Variants in THAP9 observed in about 807,000 individuals in gnomAD.
The protein encoded by THAP9 is DNA transposase THAP9.
In THAP9, 20 loss-of-function variants were observed where a neutral mutation model predicts 35.7. That is an observed-to-expected ratio of 0.56 (90% CI 0.39 to 0.81). The LOEUF is 0.81. Among genes scored for constraint, THAP9 ranks in the 40% least tolerant of loss-of-function variants. The pLI, the probability that THAP9 is intolerant of heterozygous loss-of-function variation, is 0.00. For synonymous variants in THAP9, 335 were observed against 373.7 expected, an observed-to-expected ratio of 0.90 and a Z score of 1.19; for missense variants, 870 against 1,047.4, an observed-to-expected ratio of 0.83 and a Z score of 2.34.
chr4:82,919,444 CTTGTCCCAGGA>C lies in THAP9; in HGVS notation c.*522_*532del, dbSNP rs1721163341. ...AAATATCAAATACTGCAAAAATCCC[CTTGTCCCAGGA>C]TACCCTAAAATAGAAGTGCTTAAAC... On this transcript the variant is annotated 3_prime_UTR_variant, in exon 5 of 5. Coordinates refer to ENST00000302236, the MANE Select transcript of THAP9 (RefSeq NM_024672.6). 1 of 152,446 alleles carries C rather than the reference CTTGTCCCAGGA, an allele frequency of 6.6e-6. No homozygotes were observed. The highest frequency in any genetic ancestry group is 2.4e-5 in the African/African-American group (1 of 41,426). 9.4% of individuals were successfully genotyped at this position (152,446 alleles called of 1,614,324 possible). A position where few individuals can be genotyped will look rare whatever the true frequency, so the allele number is the denominator to read the frequency against.
intron 2 of THAP9, among the ~76,000 whole-genome samples, chr4:82,905,615 C>T (rs561632649): frequency 6.6e-6 from 1 of 152,276 alleles, no homozygotes; most frequent in Admixed American, 6.5e-5. Flanking sequence ...AATTCAAACT[C>T]ACCAAGTCCC....
At position 82,918,958 on chromosome 4, in the gene THAP9, A is replaced by G; in HGVS notation, c.*34A>G. On this transcript the variant is annotated 3_prime_UTR_variant, in exon 5 of 5. Transcript: ENST00000302236. ...AAATATATTAACATTTTAATTAAGA[A>G]TACTTGATCAACATTTTTTGAAGTT... 2 of 1,450,886 alleles carry G rather than the reference A, an allele frequency of 1.4e-6. No homozygotes were observed. Among genetic ancestry groups the G allele is most frequent in the African/African-American group, 1.4e-5 (1 of 70,384 alleles). The allele number at this position is 1,450,886 out of a possible 1,614,324, so 89.9% of individuals were successfully genotyped here.
chr4:82,917,777 ATAG>A lies in THAP9; in HGVS notation c.1569_1571del (p.Ser523del). The A allele has an allele frequency of 6.2e-7, 1 of 1,614,014 alleles. No individual in the cohort carries two copies. Among genetic ancestry groups the A allele is most frequent in the Non-Finnish European group, 8.5e-7 (1 of 1,179,980 alleles). On this transcript the variant is annotated inframe_deletion, in exon 5 of 5. Transcript: ENST00000302236. The stretch of plus-strand genomic sequence containing the variant: ...ATTAACAATCTGTTTGACATCTTTA[ATAG>A]TAGGAACTGTTATGGAAAGGGACTT...
rs958272242 is a variant in THAP9 at position 82,916,998 on chromosome 4, T to G, written c.786T>G (p.Phe262Leu). Residue 262 changes from phenylalanine (F) to leucine (L), a missense_variant, in exon 5 of 5, where the codon TTT becomes TTG. Phe to Leu is a conservative substitution (Grantham distance 22, BLOSUM62 0). Around this residue, in one of 3 missense-constraint regions of THAP9, gnomAD observed 440 missense variants for 501.2 expected, o/e 0.88. Coordinates refer to ENST00000302236, the MANE Select transcript of THAP9 (RefSeq NM_024672.6). ...SPGFNSNIFS[F>L]LQRRVENGDQ... ...GTTTCAACAGCAACATTTTTTCTTT[T>G]CTTCAACGAAGAGTAGAGAATGGAG... The G allele has an allele frequency of 7.1e-6, 11 of 1,558,506 alleles. No homozygotes were observed. The highest frequency in any genetic ancestry group is 9.5e-6 in the Non-Finnish European group (11 of 1,155,328).
chr4:82,907,807 T>C lies in THAP9; in HGVS notation c.603T>C (p.Asn201=). 1.9e-6 allele frequency: 3 copies of C among 1,590,156 alleles called. No homozygotes were observed. Among genetic ancestry groups the C allele is most frequent in the Non-Finnish European group, 2.6e-6 (3 of 1,172,900 alleles). The part of the protein sequence containing the change: ...QFSDFKWELY[N]WRETDEYSAE... ...CAGATTTTAAGTGGGAGTTATATAATTGGAGAGAAACAGATGAGTACTCCG... is the reference window on the plus strand; with the variant it reads ...CAGATTTTAAGTGGGAGTTATATAACTGGAGAGAAACAGATGAGTACTCCG... The change falls in exon 4 of 5, where the codon AAT becomes AAC. Residue 201 remains asparagine (N), a synonymous_variant. Transcript: ENST00000302236.
At chr4:82,913,263 T>C (rs998008635) in intron 4 of THAP9, 1 of 152,208 alleles carries the variant, frequency 6.6e-6, no homozygotes. Context: ...ATTGTTCTAG[T>C]AGCTGTAGAT....
Position 82,906,510 on chromosome 4 carries a change from T to G in THAP9, c.463T>G (p.Ser155Ala). ...MLQVSKKRLI[S>A]VKNYRMIKKR... The stretch of plus-strand genomic sequence containing the variant: ...ACAAGTGTCCAAAAAAAGACTTATC[T>G]CCGTAAAGAACTACAGGATGATCAA... The change falls in exon 3 of 5, where the codon TCC becomes GCC. Residue 155 changes from serine to alanine, a missense_variant. By Grantham distance (99) the Ser-to-Ala change is moderately conservative. This residue lies in a region of THAP9 where 440 missense variants were observed against 501.2 expected (regional missense o/e 0.88). Coordinates refer to ENST00000302236, the MANE Select transcript of THAP9 (RefSeq NM_024672.6). The G allele has an allele frequency of 1.2e-6, 2 of 1,613,758 alleles. No individual in the cohort carries two copies. Among genetic ancestry groups the G allele is most frequent in the South Asian group, 2.2e-5 (2 of 91,066 alleles).
In THAP9 at chr4:82,919,009, G is replaced by T. The variant is rs144661800; in HGVS notation, c.*85G>T. On this transcript the variant is annotated 3_prime_UTR_variant, in exon 5 of 5. Coordinates refer to ENST00000302236, the MANE Select transcript of THAP9 (RefSeq NM_024672.6). ...CAATTTACCATATTTTATAAATTGC[G>T]CATTCTGCACAGTGGACAAGTTTGC... 3 of 1,172,228 alleles carry T rather than the reference G, an allele frequency of 2.6e-6. No individual in the cohort carries two copies. Among genetic ancestry groups the T allele is most frequent in the Admixed American group, 2.3e-5 (1 of 42,818 alleles). 72.6% of individuals were successfully genotyped at this position (1,172,228 alleles called of 1,614,324 possible).
Position 82,904,812 on chromosome 4 carries a change from T to C in THAP9, c.157T>C (p.Trp53Arg). 1 of 1,614,098 alleles carries C rather than the reference T, an allele frequency of 6.2e-7. No homozygotes were observed. Among genetic ancestry groups the C allele is most frequent in the Non-Finnish European group, 8.5e-7 (1 of 1,180,000 alleles). The change falls in exon 2 of 5, where the codon TGG becomes CGG. Residue 53 changes from tryptophan (W) to arginine (R), a missense_variant. Coordinates refer to ENST00000302236, the MANE Select transcript of THAP9 (RefSeq NM_024672.6). ...TGTGGACCCCAGAAGCAAAAAGATT[T>C]GGATTCCAGGACCAGGTGCTATACT... ...NRVDPRSKKI[W>R]IPGPGAILCS...
Position 82,904,752 on chromosome 4 carries a change from A to G in THAP9, c.97A>G (p.Ile33Val). Residue 33 changes from isoleucine to valine, a missense_variant, in exon 2 of 5, where the codon ATA becomes GTA. Physicochemically the swap from Ile to Val is conservative, Grantham distance 29. Transcript: ENST00000302236. The stretch of plus-strand genomic sequence containing the variant: ...TTGTCATAGATTTCCAACTGATACC[A>G]TACAGCGCTCAAAATGGATCAGGGC... The part of the protein sequence containing the change: ...LSFHQFPTDT[I>V]QRSKWIRAVN... 6.2e-7 allele frequency: 1 copy of G among 1,614,158 alleles called. No homozygotes were observed. Among genetic ancestry groups the G allele is most frequent in the Non-Finnish European group, 8.5e-7 (1 of 1,180,018 alleles).
intron 4 of THAP9, among the ~76,000 whole-genome samples, chr4:82,910,535 G>A (rs944677954): frequency 6.7e-6 from 1 of 150,178 alleles, no homozygotes; most frequent in South Asian, 2.1e-4. Context: ...TTATATTAAT[G>A]TAAGATTATA....
At chr4:82,907,574 T>C (rs1322717996) in intron 3 of THAP9, among the ~76,000 whole-genome samples, 1 of 152,196 alleles carries the variant, frequency 6.6e-6, no homozygotes, top group Non-Finnish European at 1.5e-5. Flanking sequence ...TTGAAAATTT[T>C]TTCTTCCCTC....
chr4:82,918,671 A>T lies in THAP9; in HGVS notation c.2459A>T (p.His820Leu). 6.2e-7 allele frequency: 1 copy of T among 1,614,068 alleles called. No homozygotes were observed. The highest frequency in any genetic ancestry group is 1.1e-5 in the South Asian group (1 of 91,084). The change falls in exon 5 of 5, where the codon CAT (histidine) becomes CTT (leucine). Residue 820 changes from histidine to leucine, a missense_variant. By Grantham distance (99) the His-to-Leu change is moderately conservative (BLOSUM62 -3). This residue lies in a region of THAP9 where 414 missense variants were observed against 500.8 expected (regional missense o/e 0.83). Transcript: ENST00000302236. Reference protein sequence around the residue: ...HINLFVDVNKHLFDGEVCAIN... With the variant: ...HINLFVDVNKLLFDGEVCAIN... ...AATCTTTTTGTAGATGTGAATAAGCATCTCTTTGATGGAGAAGTGTGTGCC... is the reference window on the plus strand; with the variant it reads ...AATCTTTTTGTAGATGTGAATAAGCTTCTCTTTGATGGAGAAGTGTGTGCC...
Position 82,918,336 on chromosome 4 carries a change from G to A in THAP9, c.2124G>A (p.Leu708=), listed in dbSNP as rs751606102. 1 of 1,614,198 alleles carries A rather than the reference G, an allele frequency of 6.2e-7. No homozygotes were observed. The highest frequency in any genetic ancestry group is 8.5e-7 in the Non-Finnish European group (1 of 1,180,016). ...CACTAAGTGAGGCATTACTAGACCT[G>A]TCAGATCATAGGCGAAATCTCATCT... ...HCSLSEALLD[L]SDHRRNLICY... The change falls in exon 5 of 5, where the codon CTG becomes CTA. Residue 708 remains leucine (L), a synonymous_variant. Transcript: ENST00000302236.
chr4:82,911,095 A>G (rs923665136), intron 4 of THAP9, among the ~76,000 whole-genome samples: 4 of 152,174 alleles, frequency 2.6e-5, no homozygotes, highest in African/African-American at 9.7e-5. Context: ...GTTTATGGCA[A>G]TGATCCAAGA....
intron 1 of THAP9, among the ~76,000 whole-genome samples, chr4:82,904,346 GC>G (rs1720556151): frequency 6.6e-6 from 1 of 152,212 alleles, no homozygotes; most frequent in African/African-American, 2.4e-5. Context: ...ACAGGCATGA[GC>G]CACTGCACCC....
intron 4 of THAP9, among the ~76,000 whole-genome samples, chr4:82,914,716 T>C (rs1467494113): frequency 6.6e-6 from 1 of 152,204 alleles, no homozygotes; most frequent in Admixed American, 6.5e-5. Flanking sequence ...GATATTAGGC[T>C]TTTGTCAGAT....
At chr4:82,903,773 C>T (rs1229184134) in intron 1 of THAP9, among the ~76,000 whole-genome samples, 1 of 152,190 alleles carries the variant, frequency 6.6e-6, no homozygotes, top group African/African-American at 2.4e-5. Context: ...TAAGATTGCA[C>T]TCATCTGAAG....
At chr4:82,905,086 TTA>T (rs1408482064) in intron 2 of THAP9, 155 bp downstream of exon 2, 4 of 588,658 alleles carry the variant, frequency 6.8e-6, no homozygotes, top group Non-Finnish European at 1.1e-5. Context: ...AAAAAAAAAA[TTA>T]TATATATTAG....
Sources: allele counts gnomAD v4.1 joint callset (sites outside exome capture counted in the v4.1 genomes callset), GRCh38; gene constraint gnomAD v4.1.1; regional missense constraint gnomAD v4.1.1; transcripts MANE v1.5; gene names NCBI Gene and HGNC (gene_info 2026-07-23, HGNC 2026-07-21).